CLMN: variants seen among roughly 807,000 people sequenced by gnomAD.
CLMN encodes calmin (calponin-like, transmembrane).
CLMN carries 57 observed loss-of-function variants against 92.7 expected under a neutral mutation model. The ratio of observed to expected loss-of-function variants is 0.61; its 90% CI spans 0.50 to 0.77. The LOEUF is 0.77. Ranked by LOEUF, CLMN falls within the 30% of genes least tolerant of loss-of-function variation. The pLI is 0.00. For missense variants in CLMN, 1,158 were observed against 1,237.5 expected, an observed-to-expected ratio of 0.94 and a Z score of 0.96; for synonymous variants, 466 against 470.6, an observed-to-expected ratio of 0.99 and a Z score of 0.13.
chr14:95,288,112 G>A (rs1900412372), intron 1 of CLMN, among the ~76,000 whole-genome samples: 1 of 152,174 alleles, frequency 6.6e-6, no homozygotes, highest in Non-Finnish European at 1.5e-5. Flanking sequence ...GAGCACATGG[G>A]CTTTCTACTT....
chr14:95,215,754 A>T, intron 4 of CLMN, 21 bp from the exon 5 acceptor site: 1 of 1,588,010 alleles, frequency 6.3e-7, no homozygotes, highest in Non-Finnish European at 8.6e-7. Flanking sequence ...GCAATTTATG[A>T]ACTTAAAGCG....
At chr14:95,291,199 C>T (rs1322930169) in intron 1 of CLMN, among the ~76,000 whole-genome samples, 1 of 152,220 alleles carries the variant, frequency 6.6e-6, no homozygotes, top group Non-Finnish European at 1.5e-5. Context: ...AACATTCACC[C>T]ACCCAGCTGA....
At chr14:95,284,926 C>T (rs1014007213) in intron 1 of CLMN, among the ~76,000 whole-genome samples, 4 of 152,006 alleles carry the variant, frequency 2.6e-5, no homozygotes, top group African/African-American at 9.7e-5. Context: ...TGGGAGGGGC[C>T]ATGGGTGGAA....
intron 1 of CLMN, among the ~76,000 whole-genome samples, chr14:95,312,656 T>C (rs965803783): frequency 6.6e-6 from 1 of 152,144 alleles, no homozygotes; most frequent in African/African-American, 2.4e-5. Context: ...TATATTCACA[T>C]ACTGCTGCTG....
chr14:95,209,326 T>C, intron 8 of CLMN, 69 bp downstream of exon 8: 2 of 1,459,702 alleles, frequency 1.4e-6, no homozygotes, highest in Non-Finnish European at 1.9e-6. Flanking sequence ...CCCACGTCCC[T>C]GCTTCGTCTG....
At chr14:95,234,670 A>G (rs1037334732) in intron 1 of CLMN, among the ~76,000 whole-genome samples, 10 of 152,018 alleles carry the variant, frequency 6.6e-5, no homozygotes, top group Non-Finnish European at 2.9e-5. Flanking sequence ...CCAGGCCTGG[A>G]CTCCAGGGGC....
intron 1 of CLMN, among the ~76,000 whole-genome samples, chr14:95,249,966 T>G (rs1480536672): frequency 6.6e-6 from 1 of 151,874 alleles, no homozygotes; most frequent in Non-Finnish European, 1.5e-5. Flanking sequence ...ACTCAGGGAG[T>G]AGGGGTTCCA....
At position 95,202,838 on chromosome 14, in the gene CLMN, C is replaced by T; in HGVS notation, c.2511G>A (p.Gln837=). ...TKENDPMDSH[Q]SQESPNLENI... is the part of the protein sequence containing the mutation. ...GTTCCCAAATCCCACGGTTGAGTAC[C>T]TGATGGCTGTCCATGGGGTCATTCT... The change falls in exon 9 of 13, where the codon CAG becomes CAA. Residue 837 remains glutamine, a splice_region_variant and synonymous_variant. Transcript: ENST00000298912. 2 of 1,525,246 alleles carry T rather than the reference C, an allele frequency of 1.3e-6. No homozygotes were observed. Among genetic ancestry groups the T allele is most frequent in the Non-Finnish European group, 1.8e-6 (2 of 1,139,198 alleles). The allele number at this position is 1,525,246 out of a possible 1,614,324, so 94.5% of individuals were successfully genotyped here. A position where few individuals can be genotyped will look rare whatever the true frequency, so the allele number is the denominator to read the frequency against.
chr14:95,207,541 G>C (rs775594875), intron 8 of CLMN, among the ~76,000 whole-genome samples: 12 of 152,188 alleles, frequency 7.9e-5, no homozygotes, highest in Non-Finnish European at 1.3e-4. Flanking sequence ...TGTTGTTCCA[G>C]GCACAGTACT....
chr14:95,242,362 G>A (rs1036732146), intron 1 of CLMN, among the ~76,000 whole-genome samples: 14 of 142,570 alleles, frequency 9.8e-5, no homozygotes, highest in African/African-American at 3.3e-4. Context: ...AGGTTCAAGC[G>A]ATTCTCCTGC....
At chr14:95,263,043 G>A (rs1218522311) in intron 1 of CLMN, among the ~76,000 whole-genome samples, 1 of 152,186 alleles carries the variant, frequency 6.6e-6, no homozygotes, top group Non-Finnish European at 1.5e-5. Context: ...CAAACCAACT[G>A]CCCAGCGCAT....
At chr14:95,205,377 C>T (rs192792305) in intron 8 of CLMN, among the ~76,000 whole-genome samples, 249 of 152,214 alleles carry the variant, frequency 1.6e-3, no homozygotes, top group Non-Finnish European at 2.9e-3. Context: ...ATATAGGACC[C>T]GGAGTTAGAA....
At position 95,294,051 on chromosome 14, in the gene CLMN, T is replaced by C. The variant is rs1183586323; in HGVS notation, c.82+25660A>G. Among the ~76,000 whole-genome samples, 3 of 152,122 alleles carry C rather than the reference T, an allele frequency of 2.0e-5. No individual in the cohort carries two copies. Among genetic ancestry groups the C allele is most frequent in the African/African-American group, 7.2e-5 (3 of 41,432 alleles). ...GAGGAGGAGGAGGAGGCCAGAAGTC[T>C]GGCTGGAGGGCTTCCCCACTCCCCA... On this transcript the variant is annotated intron_variant, in intron 1 of 12. Transcript: ENST00000298912. This position sits in a 1 kb window ranked among gnomAD's most constrained non-coding sequence, Gnocchi z 4.2.
chr14:95,288,914 C>T (rs1900445389), intron 1 of CLMN, among the ~76,000 whole-genome samples: 1 of 152,126 alleles, frequency 6.6e-6, no homozygotes, highest in African/African-American at 2.4e-5. Context: ...CTGGATCTCG[C>T]CAACTATCAA....
chr14:95,203,803 C>T lies in CLMN; in HGVS notation c.1546G>A (p.Ala516Thr), dbSNP rs1393640344. The T allele has an allele frequency of 6.2e-7, 1 of 1,614,182 alleles. No individual in the cohort carries two copies. The highest frequency in any genetic ancestry group is 2.2e-5 in the East Asian group (1 of 44,878). Residue 516 changes from alanine (A) to threonine (T), a missense_variant, in exon 9 of 13, where the codon GCC (alanine) becomes ACC (threonine). Transcript: ENST00000298912. Reference protein sequence around the residue: ...SSCNGALESTARHDEESHSLS... With the variant: ...SSCNGALESTTRHDEESHSLS... ...GAGTGACTTTCTTCATCGTGGCGGG[C>T]TGTACTCTCTAAAGCACCATTACAG... is the stretch of plus-strand genomic sequence containing the variant.
intron 1 of CLMN, among the ~76,000 whole-genome samples, chr14:95,288,109 T>C (rs575815219): frequency 1.2e-4 from 18 of 152,316 alleles, no homozygotes; most frequent in Non-Finnish European, 2.5e-4. Flanking sequence ...GAAGAGCACA[T>C]GGGCTTTCTA....
chr14:95,230,000 T>C (rs1213652145), intron 2 of CLMN, 72 bp downstream of exon 2: 1 of 1,416,002 alleles, frequency 7.1e-7, no homozygotes, highest in Non-Finnish European at 1.0e-6. Context: ...CAGCTCCCCC[T>C]CCACTCTCTG....
intron 1 of CLMN, among the ~76,000 whole-genome samples, chr14:95,231,526 C>T (rs1897889767): frequency 3.9e-5 from 6 of 152,192 alleles, no homozygotes; most frequent in Admixed American, 3.9e-4. Flanking sequence ...AGCTTGAAAA[C>T]ATCCCCCTCA....
chr14:95,300,496 T>G (rs1420891637), intron 1 of CLMN, among the ~76,000 whole-genome samples: 1 of 152,158 alleles, frequency 6.6e-6, no homozygotes, highest in African/African-American at 2.4e-5. Context: ...GGCACAGGGC[T>G]CTGTGTATTC....
Sources: allele counts gnomAD v4.1 joint callset (sites outside exome capture counted in the v4.1 genomes callset), GRCh38; gene constraint gnomAD v4.1.1; non-coding constraint Gnocchi (gnomAD v3.1); transcripts MANE v1.5; gene names NCBI Gene and HGNC (gene_info 2026-07-23, HGNC 2026-07-21).